Variants in PSIP1 observed in about 807,000 individuals in gnomAD.
PSIP1 encodes the protein PC4 and SRSF1 interacting protein 1.
PSIP1 carries 19 observed loss-of-function variants against 74.7 expected under a neutral mutation model. The observed-to-expected ratio is 0.25, with a 90% CI of 0.18 to 0.37. The LOEUF (loss-of-function observed/expected upper bound fraction) is 0.37, where lower values mean the gene tolerates loss of function less well. PSIP1 is among the 10% of genes least tolerant of loss of function. The pLI, the probability that PSIP1 is intolerant of heterozygous loss-of-function variation, is 1.00. For missense variants in PSIP1, 601 were observed against 614.3 expected (o/e 0.98, Z 0.23); for synonymous variants, 222 against 195.3 (o/e 1.14, Z -1.14).
Position 15,465,552 on chromosome 9 carries a change from T to C in PSIP1, c.1561A>G (p.Ile521Val), listed in dbSNP as rs756732844. The change falls in exon 16 of 16, where the codon ATA becomes GTA. Residue 521 changes from isoleucine (I) to valine (V), a missense_variant. Transcript: ENST00000380733. ...TCTAGTGTAGAATCCTTCAGAGATA[T>C]TTCAGTCTCTCTCTCTTCACTGGAT... ...KPSSEERETE[I>V]SLKDSTLDN The C allele has an allele frequency of 2.1e-5, 33 of 1,585,704 alleles. No individual in the cohort carries two copies. Among genetic ancestry groups the C allele is most frequent in the Non-Finnish European group, 5.2e-6 (6 of 1,156,926 alleles).
At chr9:15,468,244 G>A (rs903525037) in intron 14 of PSIP1, 1 of 448,016 alleles carries the variant, frequency 2.2e-6, no homozygotes, top group Non-Finnish European at 4.5e-6. Context: ...CTATGAGGCT[G>A]TGTTTTAATT....
chr9:15,486,165 G>C (rs1429031769), intron 5 of PSIP1, 97 bp from the exon 6 acceptor site: 7 of 979,958 alleles, frequency 7.1e-6, no homozygotes, highest in Non-Finnish European at 1.1e-5. Context: ...TTAACTGAAA[G>C]CATTGGGGAA....
Position 15,510,907 on chromosome 9 carries a change from G to T in PSIP1, c.-232C>A. ...GCCACCTGCGCCACCAGCTGCCGCA[G>T]AGGCGTCTCAACGGCTCGGAATCGC... On this transcript the variant is annotated 5_prime_UTR_variant, in exon 1 of 16. In the 5' UTR this introduces an upstream ATG that the reference lacks. Coordinates refer to ENST00000380733, the MANE Select transcript of PSIP1 (RefSeq NM_033222.5). 1 of 152,746 alleles carries T rather than the reference G, an allele frequency of 6.5e-6. No homozygotes were observed. Among genetic ancestry groups the T allele is most frequent in the South Asian group, 2.0e-4 (1 of 5,126 alleles). 9.5% of individuals were successfully genotyped at this position (152,746 alleles called of 1,614,324 possible).
chr9:15,485,113 T>C (rs954755343), intron 6 of PSIP1, among the ~76,000 whole-genome samples: 3 of 152,094 alleles, frequency 2.0e-5, no homozygotes, highest in African/African-American at 4.8e-5. Flanking sequence ...AAAGGAGGTA[T>C]CTAAAATTTA....
At chr9:15,465,605 A>G (rs761258109) in intron 15 of PSIP1, 25 bp from the exon 16 acceptor site, 3 of 1,528,836 alleles carry the variant, frequency 2.0e-6, no homozygotes, top group South Asian at 1.2e-5. Flanking sequence ...GAAAGGTACA[A>G]CTGGAATTAG....
chr9:15,500,862 A>T (rs1182760446), intron 3 of PSIP1, among the ~76,000 whole-genome samples: 1 of 152,240 alleles, frequency 6.6e-6, no homozygotes, highest in South Asian at 2.1e-4. Context: ...TCCCTGAATT[A>T]GCAAAGGTAA....
At chr9:15,503,541 G>A (rs1202612393) in intron 3 of PSIP1, among the ~76,000 whole-genome samples, 1 of 151,720 alleles carries the variant, frequency 6.6e-6, no homozygotes, top group Admixed American at 6.6e-5. Flanking sequence ...AGCTACTGCA[G>A]TTATCAGCTA....
chr9:15,474,445 T>C (rs915587868), intron 8 of PSIP1, among the ~76,000 whole-genome samples: 5 of 152,194 alleles, frequency 3.3e-5, no homozygotes, highest in African/African-American at 7.2e-5. Context: ...CTGGCTCTTA[T>C]GGAACTTAAA....
At chr9:15,483,043 T>C (rs771412634) in intron 6 of PSIP1, among the ~76,000 whole-genome samples, 1 of 152,194 alleles carries the variant, frequency 6.6e-6, no homozygotes, top group Non-Finnish European at 1.5e-5. Flanking sequence ...TCAGCCATAA[T>C]TTCACAGAGC....
rs888310891 is a variant in PSIP1, at chr9:15,464,092, A to C, written c.*1428T>G. The C allele has an allele frequency of 5.6e-6, 1 of 178,886 alleles. No individual in the cohort carries two copies. Among genetic ancestry groups the C allele is most frequent in the Non-Finnish European group, 1.2e-5 (1 of 83,160 alleles). The allele number at this position is 178,886 out of a possible 1,614,324, so 11.1% of individuals were successfully genotyped here. The stretch of plus-strand genomic sequence containing the variant: ...TTGATAGAAAAATTCTTTAATGAAA[A>C]CAAGTTTACACGTTGAACTTATGGC... On this transcript the variant is annotated 3_prime_UTR_variant, in exon 16 of 16. Transcript: ENST00000380733.
In PSIP1 at chr9:15,465,563, C is replaced by A; in HGVS notation, c.1550G>T (p.Arg517Ile). ...STKKKPSSEE[R>I]ETEISLKDST... ...ATCCTTCAGAGATATTTCAGTCTCT[C>A]TCTCTTCACTGGATGGCCTGAAGAA... is the stretch of plus-strand genomic sequence containing the variant. Residue 517 changes from arginine (R) to isoleucine (I), a missense_variant, in exon 16 of 16, where the codon AGA (arginine) becomes ATA (isoleucine). Arg to Ile is a moderately conservative substitution (Grantham distance 97). Coordinates refer to ENST00000380733, the MANE Select transcript of PSIP1 (RefSeq NM_033222.5). 1.3e-6 allele frequency: 2 copies of A among 1,585,718 alleles called. No individual in the cohort carries two copies. The highest frequency in any genetic ancestry group is 8.6e-7 in the Non-Finnish European group (1 of 1,157,576).
At chr9:15,487,357 G>C (rs1040159018) in intron 4 of PSIP1, among the ~76,000 whole-genome samples, 1 of 152,030 alleles carries the variant, frequency 6.6e-6, no homozygotes, top group African/African-American at 2.4e-5. Flanking sequence ...CACTTTGGGA[G>C]GCTGAGGCAG....
chr9:15,492,941 C>T (rs1038631127), intron 3 of PSIP1, among the ~76,000 whole-genome samples: 17 of 152,140 alleles, frequency 1.1e-4, no homozygotes, highest in African/African-American at 2.7e-4. Flanking sequence ...CAGGAAGGCC[C>T]GGGACCCAGG....
chr9:15,510,394 GGAGGGGAACC>G, intron 1 of PSIP1, 65 bp from the exon 2 acceptor site: 1 of 380,366 alleles, frequency 2.6e-6, no homozygotes, highest in Non-Finnish European at 4.7e-6. Context: ...AAGGGGAGGG[GGAGGGGAACC>G]GGCGGGTGGG....
At chr9:15,480,581 T>C (rs1266219598) in intron 6 of PSIP1, among the ~76,000 whole-genome samples, 1 of 152,234 alleles carries the variant, frequency 6.6e-6, no homozygotes, top group Non-Finnish European at 1.5e-5. Flanking sequence ...TGATACTTTA[T>C]GAAAGCACAT....
At position 15,476,839 on chromosome 9, in the gene PSIP1, A is replaced by G. The variant is rs1018679168; in HGVS notation, c.629+1638T>C. Among the ~76,000 whole-genome samples, 4 of 152,214 alleles carry G rather than the reference A, an allele frequency of 2.6e-5. No homozygotes were observed. In the East Asian group the frequency reaches 5.8e-4, roughly 22 times the overall value. On this transcript the variant is annotated intron_variant, in intron 8 of 15. Transcript: ENST00000380733. ...GTAAGTGAGATGAGGATAAGTTCCT[A>G]AAAAGGTACACTGGGCCCTCAGATC...
chr9:15,472,846 T>TA, intron 9 of PSIP1, 96 bp from the exon 10 acceptor site: 1 of 1,165,056 alleles, frequency 8.6e-7, no homozygotes, highest in Non-Finnish European at 1.2e-6. Context: ...AGCTAGTTTT[T>TA]AAAAAAGGGA....
At chr9:15,478,612 CAG>C (rs2036201052) in intron 7 of PSIP1, 60 bp from the exon 8 acceptor site, 3 of 1,126,586 alleles carry the variant, frequency 2.7e-6, no homozygotes, top group East Asian at 4.7e-5. Flanking sequence ...ATACAAATCT[CAG>C]ATATAAATAT....
chr9:15,505,663 T>C (rs2132236619), intron 3 of PSIP1: 1 of 147,088 alleles, frequency 6.8e-6, no homozygotes, highest in East Asian at 2.5e-4. Context: ...TATACTAAAA[T>C]CTACTAAATA....
Sources: gnomAD v4.1 joint callset for allele counts (sites outside exome capture counted in the v4.1 genomes callset) on GRCh38, gnomAD v4.1.1 for gene constraint, MANE v1.5 for transcripts, NCBI Gene and HGNC (gene_info 2026-07-23, HGNC 2026-07-21) for gene names.